The following LRRTM4 variants were observed in gnomAD, a reference collection of about 807,000 sequenced individuals.
LRRTM4 encodes the protein leucine rich repeat transmembrane neuronal 4.
LRRTM4 carries 25 observed loss-of-function variants against 47.6 expected under a neutral mutation model. That is an observed-to-expected ratio of 0.53 (90% CI 0.38 to 0.73). The LOEUF is 0.73. Among genes scored for constraint, LRRTM4 ranks in the 30% least tolerant of loss-of-function variants. The pLI is 0.00. For missense variants in LRRTM4, 638 were observed against 713.4 expected (o/e 0.89, Z 1.20); for synonymous variants, 311 against 269.5 (o/e 1.15, Z -1.51).
chr2:77,037,035 G>C (rs1197174425), intron 3 of LRRTM4, among the ~76,000 whole-genome samples: 1 of 151,610 alleles, frequency 6.6e-6, no homozygotes, highest in Admixed American at 6.6e-5. Flanking sequence ...TTCCCTAGCT[G>C]TCCCCTCAAA....
intron 3 of LRRTM4, among the ~76,000 whole-genome samples, chr2:76,901,297 C>T (rs1252656898): frequency 1.3e-5 from 2 of 152,048 alleles, no homozygotes; most frequent in East Asian, 3.9e-4. Flanking sequence ...TGAGAACATG[C>T]AGTGTTTGGT....
chr2:77,023,185 C>T (rs1678334513), intron 3 of LRRTM4, among the ~76,000 whole-genome samples: 1 of 152,226 alleles, frequency 6.6e-6, no homozygotes, highest in South Asian at 2.1e-4. Context: ...TATGTTGGCC[C>T]CTTTCAGCCA....
chr2:77,095,208 C>G (rs1282407363), intron 3 of LRRTM4, among the ~76,000 whole-genome samples: 3 of 152,128 alleles, frequency 2.0e-5, no homozygotes, highest in Non-Finnish European at 4.4e-5. Context: ...TGAGATACTA[C>G]CTCATTAGTG....
rs1678725194 is a variant in LRRTM4, at chr2:77,033,321, C to T, written c.1552-284405G>A. On this transcript the variant is annotated intron_variant, in intron 3 of 3. Transcript: ENST00000409884. Reference sequence around the variant, plus strand: ...AAGACATTTATAGCTCACTAAATGCCAAGTAAAGATTATTAAAAAAATCTT... The same window carrying T: ...AAGACATTTATAGCTCACTAAATGCTAAGTAAAGATTATTAAAAAAATCTT... Among the ~76,000 whole-genome samples, 3 of 151,214 alleles carry T rather than the reference C, an allele frequency of 2.0e-5. No individual in the cohort carries two copies. The South Asian group carries it at 6.3e-4, about 32-fold the overall frequency.
chr2:77,112,381 A>T (rs1291265745), intron 3 of LRRTM4, among the ~76,000 whole-genome samples: 3 of 152,214 alleles, frequency 2.0e-5, no homozygotes, highest in African/African-American at 7.2e-5. Flanking sequence ...TAAGGTGACA[A>T]AATATGTAGT....
chr2:76,867,358 T>C lies in LRRTM4; in HGVS notation c.1552-118442A>G, dbSNP rs558551688. Among the ~76,000 whole-genome samples, 88 of 152,306 alleles carry C rather than the reference T, an allele frequency of 5.8e-4. 1 individual carries two copies. The highest frequency in any genetic ancestry group is 2.0e-3 in the African/African-American group (84 of 41,568). ...GCTAGAAGTACAAATATAAAGTTTC[T>C]AGATCATGTTTGTAAACCAAATTGG... On this transcript the variant is annotated intron_variant, in intron 3 of 3. Coordinates refer to ENST00000409884, the MANE Select transcript of LRRTM4 (RefSeq NM_001134745.3).
chr2:77,356,784 A>C (rs1173246856), intron 3 of LRRTM4, among the ~76,000 whole-genome samples: 1 of 152,142 alleles, frequency 6.6e-6, no homozygotes, highest in Non-Finnish European at 1.5e-5. Context: ...TAGTATTGTG[A>C]TTTTATATGT....
At chr2:76,877,902 TAAGA>T (rs1672822549) in intron 3 of LRRTM4, among the ~76,000 whole-genome samples, 7 of 146,574 alleles carry the variant, frequency 4.8e-5, no homozygotes, top group Admixed American at 3.5e-4. Context: ...AACGAAAAAA[TAAGA>T]AAGAAGAAGG....
chr2:77,271,847 C>T lies in LRRTM4; in HGVS notation c.1551+246471G>A, dbSNP rs544735142. Among the ~76,000 whole-genome samples the T allele has an allele frequency of 1.2e-4, 18 of 152,250 alleles. 2 individuals are homozygous for T. In the South Asian group the frequency reaches 2.9e-3, roughly 25 times the overall value. ...ATTTCTTGTTCATTCTTATTTCCTA[C>T]GAAAATATGCCTCCACCCACCATGT... On this transcript the variant is annotated intron_variant, in intron 3 of 3. Transcript: ENST00000409884.
intron 3 of LRRTM4, among the ~76,000 whole-genome samples, chr2:77,160,970 G>T (rs562255882): frequency 6.6e-6 from 1 of 152,028 alleles, no homozygotes; most frequent in Non-Finnish European, 1.5e-5. Flanking sequence ...CAGCCTACAT[G>T]AAAGATTAAG....
chr2:76,900,332 T>C (rs1045204027), intron 3 of LRRTM4, among the ~76,000 whole-genome samples: 10 of 131,554 alleles, frequency 7.6e-5, no homozygotes, highest in Admixed American at 6.8e-4. Context: ...TTTTTGTAGA[T>C]AAAAATATGA....
chr2:77,488,722 A>G (rs983401432), intron 3 of LRRTM4, among the ~76,000 whole-genome samples: 1 of 152,168 alleles, frequency 6.6e-6, no homozygotes, highest in Non-Finnish European at 1.5e-5. Context: ...GCAGAATTTA[A>G]TAAAACTGAT....
In LRRTM4 at chr2:77,027,777, T is replaced by C. The variant is rs561158854; in HGVS notation, c.1552-278861A>G. 1.8e-4 allele frequency among the ~76,000 whole-genome samples: 28 copies of C among 152,280 alleles called. No individual in the cohort carries two copies. In the East Asian group the frequency reaches 5.0e-3, roughly 27 times the overall value. ...AAATATCAAGACATTTGAATTACAATGAGCATTACATTAATTATAGCATGT... is the reference window on the plus strand; with the variant it reads ...AAATATCAAGACATTTGAATTACAACGAGCATTACATTAATTATAGCATGT... On this transcript the variant is annotated intron_variant, in intron 3 of 3. Coordinates refer to ENST00000409884, the MANE Select transcript of LRRTM4 (RefSeq NM_001134745.3).
chr2:77,276,800 G>T lies in LRRTM4; in HGVS notation c.1551+241518C>A, dbSNP rs369017419. On this transcript the variant is annotated intron_variant, in intron 3 of 3. Transcript: ENST00000409884. ...CTGAAGTGATTTCTAAAGGGAAAAA[G>T]CTTAGAAGGAAGAACAGAGAAACTG... Among the ~76,000 whole-genome samples, 576 of 145,994 alleles carry T rather than the reference G, an allele frequency of 3.9e-3. 4 individuals are homozygous for T. Among genetic ancestry groups the T allele is most frequent in the Middle Eastern group, 0.026 (7 of 272 alleles).
chr2:77,106,504 T>C (rs1346539109), intron 3 of LRRTM4, among the ~76,000 whole-genome samples: 1 of 152,084 alleles, frequency 6.6e-6, no homozygotes, highest in Non-Finnish European at 1.5e-5. Flanking sequence ...TGATATATCT[T>C]TGAGGGATAG....
chr2:76,791,769 T>C (rs1166175177), intron 3 of LRRTM4, among the ~76,000 whole-genome samples: 1 of 152,244 alleles, frequency 6.6e-6, no homozygotes, highest in Admixed American at 6.5e-5. Context: ...GCAGATAGGC[T>C]GCAGGTTTCA....
At chr2:76,986,529 AT>A (rs1054687657) in intron 3 of LRRTM4, among the ~76,000 whole-genome samples, 36 of 152,066 alleles carry the variant, frequency 2.4e-4, no homozygotes, top group African/African-American at 8.4e-4. Flanking sequence ...TACAGAAGAC[AT>A]GTAACTAATG....
intron 3 of LRRTM4, among the ~76,000 whole-genome samples, chr2:77,095,231 T>C (rs1324396002): frequency 6.6e-6 from 1 of 152,184 alleles, no homozygotes; most frequent in Non-Finnish European, 1.5e-5. Context: ...AAAGTTAGAA[T>C]GTCTACTATC....
intron 3 of LRRTM4, among the ~76,000 whole-genome samples, chr2:77,351,800 A>G (rs1478034378): frequency 6.6e-6 from 1 of 152,004 alleles, no homozygotes; most frequent in African/African-American, 2.4e-5. Flanking sequence ...GAACAAAAAG[A>G]TCACACTATA....
Sources: allele counts gnomAD v4.1 joint callset (sites outside exome capture counted in the v4.1 genomes callset), GRCh38; gene constraint gnomAD v4.1.1; transcripts MANE v1.5; gene names NCBI Gene and HGNC (gene_info 2026-07-23, HGNC 2026-07-21).